The following PTPRZ1 variants were observed in gnomAD, a reference collection of about 807,000 sequenced individuals.
PTPRZ1 encodes receptor-type tyrosine-protein phosphatase zeta.
Under a neutral mutation model 214.1 loss-of-function variants are expected in PTPRZ1, and 82 were observed. That is an observed-to-expected ratio of 0.38 (90% CI 0.32 to 0.46). The LOEUF is 0.46. PTPRZ1 is among the 20% of genes least tolerant of loss of function. The pLI is 1.00. For missense variants in PTPRZ1, 2,603 were observed against 2,748.7 expected (o/e 0.95, Z 1.19); for synonymous variants, 945 against 987.9 (o/e 0.96, Z 0.81).
At chr7:121,904,070 A>T (rs1479612555) in intron 1 of PTPRZ1, among the ~76,000 whole-genome samples, 1 of 152,070 alleles carries the variant, frequency 6.6e-6, no homozygotes, top group East Asian at 1.9e-4. Flanking sequence ...CTGCCTTTGA[A>T]TATAAGTTAC....
At chr7:122,036,841 A>G (rs1401589431) in intron 18 of PTPRZ1, among the ~76,000 whole-genome samples, 159 bp downstream of exon 18, 3 of 152,226 alleles carry the variant, frequency 2.0e-5, no homozygotes, top group Non-Finnish European at 4.4e-5. Context: ...AAGAGAGCCT[A>G]TGACTAAAAA....
intron 12 of PTPRZ1, among the ~76,000 whole-genome samples, chr7:122,018,456 G>A (rs969635140): frequency 6.6e-6 from 1 of 150,956 alleles, no homozygotes; most frequent in African/African-American, 2.4e-5. Flanking sequence ...ATTTACACTT[G>A]CATATTTCAG....
At chr7:122,038,053 G>A (rs1486552383) in intron 18 of PTPRZ1, among the ~76,000 whole-genome samples, 1 of 152,130 alleles carries the variant, frequency 6.6e-6, no homozygotes, top group Non-Finnish European at 1.5e-5. Flanking sequence ...GCCCAGTAAG[G>A]AGGAAAGCCC....
chr7:122,005,799 CTGTT>C (rs1225653805), intron 11 of PTPRZ1, among the ~76,000 whole-genome samples: 1 of 151,950 alleles, frequency 6.6e-6, no homozygotes, highest in African/African-American at 2.4e-5. Flanking sequence ...AAATGATATT[CTGTT>C]TAAGTTCTGT....
intron 1 of PTPRZ1, among the ~76,000 whole-genome samples, chr7:121,880,058 G>T (rs1275982158): frequency 6.6e-6 from 1 of 152,068 alleles, no homozygotes. Context: ...ATCATTTGGG[G>T]GTCTTTGTAG....
intron 2 of PTPRZ1, among the ~76,000 whole-genome samples, chr7:121,958,758 C>A (rs1052989020): frequency 6.6e-6 from 1 of 152,174 alleles, no homozygotes; most frequent in African/African-American, 2.4e-5. Context: ...TTGCCATTCT[C>A]CCTTCCTCAC....
At chr7:121,931,482 C>T (rs1464495680) in intron 2 of PTPRZ1, among the ~76,000 whole-genome samples, 1 of 152,114 alleles carries the variant, frequency 6.6e-6, no homozygotes, top group Non-Finnish European at 1.5e-5. Flanking sequence ...AAACAGAGGA[C>T]CTACTGCCTA....
chr7:121,906,180 T>C (rs752934079), intron 1 of PTPRZ1, among the ~76,000 whole-genome samples: 1 of 152,180 alleles, frequency 6.6e-6, no homozygotes, highest in Non-Finnish European at 1.5e-5. Context: ...TCTACCTCCA[T>C]TTAAAGGAAG....
At chr7:122,021,133 T>C (rs1246789231) in intron 13 of PTPRZ1, among the ~76,000 whole-genome samples, 2 of 151,248 alleles carry the variant, frequency 1.3e-5, no homozygotes, top group African/African-American at 4.9e-5. Context: ...CCAATAAAGA[T>C]GTCAGATGGT....
At chr7:122,060,704 G>A (rs1792543585) in intron 29 of PTPRZ1, among the ~76,000 whole-genome samples, 2 of 152,156 alleles carry the variant, frequency 1.3e-5, no homozygotes. Context: ...AGACCCAATG[G>A]ATTTTCTAAC....
intron 2 of PTPRZ1, among the ~76,000 whole-genome samples, chr7:121,930,357 T>C (rs1341596006): frequency 1.3e-5 from 2 of 152,194 alleles, no homozygotes; most frequent in African/African-American, 4.8e-5. Context: ...CCATTTTGAA[T>C]TAAATGGAAT....
At chr7:121,976,662 T>G (rs1797444188) in intron 5 of PTPRZ1, 123 bp from the exon 6 acceptor site, 2 of 747,814 alleles carry the variant, frequency 2.7e-6, no homozygotes, top group East Asian at 6.1e-5. Context: ...AAAAAAAGTG[T>G]TTTTGGAACT....
At chr7:121,874,616 A>G (rs1347385610) in intron 1 of PTPRZ1, among the ~76,000 whole-genome samples, 1 of 152,236 alleles carries the variant, frequency 6.6e-6, no homozygotes, top group Non-Finnish European at 1.5e-5. Context: ...CTCTTGGCAC[A>G]GTAACCTTTA....
intron 1 of PTPRZ1, among the ~76,000 whole-genome samples, chr7:121,890,605 T>C (rs948135486): frequency 1.3e-5 from 2 of 152,188 alleles, no homozygotes; most frequent in Non-Finnish European, 2.9e-5. Flanking sequence ...TCTCTACTCA[T>C]GAAGTGTCCA....
intron 8 of PTPRZ1, among the ~76,000 whole-genome samples, chr7:121,992,896 T>C (rs1798014159): frequency 6.6e-6 from 1 of 152,218 alleles, no homozygotes; most frequent in South Asian, 2.1e-4. Context: ...TGCTCATGTA[T>C]GGTGCAGTGC....
Position 122,013,159 on chromosome 7 carries a change from T to C in PTPRZ1, c.4113T>C (p.Asn1371=). 2 of 1,614,080 alleles carry C rather than the reference T, an allele frequency of 1.2e-6. No homozygotes were observed. Among genetic ancestry groups the C allele is most frequent in the Non-Finnish European group, 1.7e-6 (2 of 1,179,904 alleles). Reference sequence around the variant, plus strand: ...CTGATCATTCTGTTCCTATAGGAAATGGGCATGTTGCCATTACAGCTGTTT... The same window carrying C: ...CTGATCATTCTGTTCCTATAGGAAACGGGCATGTTGCCATTACAGCTGTTT... ...VSTDHSVPIG[N]GHVAITAVSP... The change falls in exon 12 of 30, where the codon AAT becomes AAC. Residue 1371 remains asparagine (N), a synonymous_variant. Coordinates refer to ENST00000393386, the MANE Select transcript of PTPRZ1 (RefSeq NM_002851.3).
chr7:121,924,308 AT>A (rs879802987), intron 1 of PTPRZ1, among the ~76,000 whole-genome samples: 1 of 152,196 alleles, frequency 6.6e-6, no homozygotes, highest in Non-Finnish European at 1.5e-5. Flanking sequence ...TTCAAAGTAT[AT>A]AATGCAACAA....
chr7:122,054,528 C>A (rs1792290656), intron 26 of PTPRZ1, among the ~76,000 whole-genome samples: 1 of 151,986 alleles, frequency 6.6e-6, no homozygotes, highest in Admixed American at 6.6e-5. Flanking sequence ...GAGAACCCAA[C>A]AAGTAAAATA....
chr7:122,037,896 T>G (rs1799598069), intron 18 of PTPRZ1, among the ~76,000 whole-genome samples: 1 of 152,146 alleles, frequency 6.6e-6, no homozygotes, highest in South Asian at 2.1e-4. Context: ...TGAAGGACAC[T>G]GCTATGAAGG....
Sources: allele counts gnomAD v4.1 joint callset (sites outside exome capture counted in the v4.1 genomes callset), GRCh38; gene constraint gnomAD v4.1.1; transcripts MANE v1.5; gene names NCBI Gene and HGNC (gene_info 2026-07-23, HGNC 2026-07-21).